The following GCSAML variants were observed in gnomAD, a reference collection of about 807,000 sequenced individuals.
GCSAML encodes germinal center associated signaling and motility like, also known as germinal center-associated signaling and motility-like protein.
A neutral mutation model predicts 13.0 loss-of-function variants in GCSAML; 9 were observed. The observed-to-expected ratio is 0.69, with a 90% confidence interval of 0.42 to 1.21. GCSAML has a LOEUF of 1.21. Ranked by LOEUF, GCSAML falls within the 50% of genes most tolerant of loss-of-function variation. The pLI is 0.00. For missense variants in GCSAML, 143 were observed against 153.4 expected (o/e 0.93, Z 0.36); for synonymous variants, 37 against 52.9 (o/e 0.70, Z 1.31).
rs12401701 is a variant in GCSAML at position 247,574,626 on chromosome 1, A to T, written c.*244A>T. 0.15 allele frequency: 69,243 copies of T among 470,406 alleles called. 5,709 individuals are homozygous for T. Among genetic ancestry groups the T allele is most frequent in the Admixed American group, 0.18 (4,733 of 26,118 alleles). 29.1% of individuals were successfully genotyped at this position (470,406 alleles called of 1,614,324 possible). A position where few individuals can be genotyped will look rare whatever the true frequency, so the allele number is the denominator to read the frequency against. Reference sequence around the variant, plus strand: ...GTGTTTTTGCTTGTAAAGTTTGAGGACATGGAGGTGATAAAAAAAACTTTC... The same window carrying T: ...GTGTTTTTGCTTGTAAAGTTTGAGGTCATGGAGGTGATAAAAAAAACTTTC... On this transcript the variant is annotated 3_prime_UTR_variant, in exon 5 of 5. Coordinates refer to ENST00000366488, the MANE Select transcript of GCSAML (RefSeq NM_145278.5).
At chr1:247,551,702 A>C (rs1437548426) in intron 1 of GCSAML, among the ~76,000 whole-genome samples, 4 of 152,242 alleles carry the variant, frequency 2.6e-5, no homozygotes, top group Non-Finnish European at 5.9e-5. Context: ...TCATCGTTTT[A>C]TGTGACACAG....
intron 1 of GCSAML, among the ~76,000 whole-genome samples, chr1:247,555,607 A>G (rs1243086056): frequency 2.6e-5 from 4 of 152,230 alleles, no homozygotes; most frequent in Non-Finnish European, 5.9e-5. Flanking sequence ...CTTTCCCCGA[A>G]TACTGCTGGT....
At chr1:247,509,491 C>G (rs1460562230) in intron 1 of GCSAML, among the ~76,000 whole-genome samples, 1 of 151,056 alleles carries the variant, frequency 6.6e-6, no homozygotes, top group Non-Finnish European at 1.5e-5. Context: ...TATGAATAGG[C>G]TTTCTTTCTC....
At chr1:247,528,443 T>A (rs570961583) in intron 2 of GCSAML, 18 of 152,254 alleles carry the variant, frequency 1.2e-4, no homozygotes, top group African/African-American at 4.3e-4. Context: ...TTGTGTTAAG[T>A]GAAATAAGCC....
At position 247,560,475 on chromosome 1, in the gene GCSAML, C is replaced by T. The variant is rs1176015269; in HGVS notation, c.90-3115C>T. 5.3e-5 allele frequency among the ~76,000 whole-genome samples: 8 copies of T among 152,210 alleles called. No homozygotes were observed. In the East Asian group the frequency reaches 1.5e-3, roughly 29 times the overall value. Reference sequence around the variant, plus strand: ...GAGCTGAGCCACCTTAAGCCGCCTTCCTGATGACTTGGTTTTACATACATT... The same window carrying T: ...GAGCTGAGCCACCTTAAGCCGCCTTTCTGATGACTTGGTTTTACATACATT... On this transcript the variant is annotated intron_variant, in intron 2 of 4. Coordinates refer to ENST00000366488, the MANE Select transcript of GCSAML (RefSeq NM_145278.5).
At chr1:247,544,780 G>A (rs1038659517), upstream of GCSAML, among the ~76,000 whole-genome samples, 3 of 152,134 alleles carry the variant, frequency 2.0e-5, no homozygotes, top group Non-Finnish European at 4.4e-5. Flanking sequence ...ACTTGAGCCT[G>A]GGAGGTTGAA....
chr1:247,552,836 A>G (rs1572351223), intron 1 of GCSAML, among the ~76,000 whole-genome samples: 1 of 135,968 alleles, frequency 7.4e-6, no homozygotes, highest in Admixed American at 6.7e-5. Context: ...GCTCACTGCA[A>G]CCTCCACCTT....
chr1:247,541,752 G>T (rs1667418742), intron 2 of GCSAML, among the ~76,000 whole-genome samples: 1 of 152,276 alleles, frequency 6.6e-6, no homozygotes, highest in East Asian at 1.9e-4. Context: ...GCTCACATCT[G>T]TAATCTCAGC....
upstream of GCSAML, among the ~76,000 whole-genome samples, chr1:247,545,514 A>G (rs908050141): frequency 1.3e-5 from 2 of 152,214 alleles, no homozygotes; most frequent in Non-Finnish European, 2.9e-5. Context: ...TGATTATGCA[A>G]AGGGGTACTT....
Position 247,577,582 on chromosome 1 carries a change from G to T in GCSAML, c.*3200G>T, listed in dbSNP as rs939129382. 1 of 152,144 alleles carries T rather than the reference G, an allele frequency of 6.6e-6. No individual in the cohort carries two copies. The highest frequency in any genetic ancestry group is 1.5e-5 in the Non-Finnish European group (1 of 68,034). The allele number at this position is 152,144 out of a possible 1,614,324, so 9.4% of individuals were successfully genotyped here. On this transcript the variant is annotated 3_prime_UTR_variant, in exon 5 of 5. Transcript: ENST00000366488. ...ACTTGTCTCAGCATATCACCATATA[G>T]ATATACTATAATTTGTTAATCTAAT...
intron 1 of GCSAML, among the ~76,000 whole-genome samples, chr1:247,511,064 C>T (rs2103295826): frequency 6.6e-6 from 1 of 152,240 alleles, no homozygotes; most frequent in Middle Eastern, 3.4e-3. Flanking sequence ...TTAATTTTGT[C>T]TCACTGATCT....
chr1:247,509,632 GT>G, intron 1 of GCSAML, among the ~76,000 whole-genome samples: 1 of 152,306 alleles, frequency 6.6e-6, no homozygotes, highest in Non-Finnish European at 1.5e-5. Flanking sequence ...GATAGTGGCT[GT>G]GGGATTGTCA....
chr1:247,521,657 C>G (rs952935300), intron 1 of GCSAML, among the ~76,000 whole-genome samples: 1 of 152,252 alleles, frequency 6.6e-6, no homozygotes, highest in African/African-American at 2.4e-5. Context: ...GCTGGGATTG[C>G]AGACGGAGTC....
At chr1:247,545,646 TTCAAAG>T (rs1667543164), upstream of GCSAML, among the ~76,000 whole-genome samples, 2 of 152,352 alleles carry the variant, frequency 1.3e-5, no homozygotes, top group South Asian at 4.1e-4. Context: ...TGAGTATCTT[TTCAAAG>T]ACCTCTTGGC....
At chr1:247,567,209 G>A (rs1572372703) in intron 4 of GCSAML, among the ~76,000 whole-genome samples, 1 of 151,222 alleles carries the variant, frequency 6.6e-6, no homozygotes, top group Non-Finnish European at 1.5e-5. Context: ...GTGCTGAATG[G>A]GCAGGTCTGT....
chr1:247,517,078 C>T (rs1039588780), intron 1 of GCSAML, among the ~76,000 whole-genome samples: 12 of 152,254 alleles, frequency 7.9e-5, no homozygotes, highest in African/African-American at 2.9e-4. Context: ...AAAGAACATT[C>T]CTTGCTTTTC....
intron 2 of GCSAML, 121 bp downstream of exon 2, chr1:247,556,587 C>G: frequency 1.6e-6 from 1 of 634,142 alleles, no homozygotes; most frequent in African/African-American, 1.8e-5. Flanking sequence ...TAATAGAGTT[C>G]TTTGGTGATT....
intron 1 of GCSAML, among the ~76,000 whole-genome samples, chr1:247,523,375 T>G (rs1230327583): frequency 6.6e-6 from 1 of 152,220 alleles, no homozygotes; most frequent in East Asian, 1.9e-4. Context: ...AATTTCTCAT[T>G]ACTTAAGTCT....
intron 1 of GCSAML, chr1:247,524,619 G>A (rs1007246079): frequency 6.6e-6 from 1 of 152,146 alleles, no homozygotes; most frequent in Non-Finnish European, 1.5e-5. Flanking sequence ...CATAAACCAT[G>A]TTTAAATAAT....
Sources: gnomAD v4.1 joint callset for allele counts (sites outside exome capture counted in the v4.1 genomes callset) on GRCh38, gnomAD v4.1.1 for gene constraint, MANE v1.5 for transcripts, NCBI Gene and HGNC (gene_info 2026-07-23, HGNC 2026-07-21) for gene names.